PSG4: variants seen among roughly 807,000 people sequenced by gnomAD.
PSG4 encodes pregnancy specific beta-1-glycoprotein 4, also known as pregnancy-specific beta-1-glycoprotein 4.
A neutral mutation model predicts 44.3 loss-of-function variants in PSG4; 61 were observed. The observed-to-expected ratio is 1.38, with a 90% CI of 1.12 to 1.70. PSG4 has a LOEUF of 1.70. PSG4 is among the 40% of genes most tolerant of loss of function. The pLI is 0.00. For synonymous variants in PSG4, 248 were observed against 191.3 expected (o/e 1.30, Z -2.45); for missense variants, 677 against 511.7 (o/e 1.32, Z -3.12).
intron 4 of PSG4, 81 bp downstream of exon 4, chr19:43,194,914 G>C: frequency 6.3e-7 from 1 of 1,579,498 alleles, no homozygotes; most frequent in Non-Finnish European, 8.6e-7. Context: ...ACTTGGACTG[G>C]AGAGAGACTG....
rs62116470 is a variant in PSG4, at chr19:43,197,675, A to G, written c.709+322T>C. On this transcript the variant is annotated intron_variant, in intron 3 of 5. Transcript: ENST00000405312. ...CCTGGTCTGTGGAAGGGCCACAGTG[A>G]CCCTGTGAGCCAAGTCGCAACACTG... 979 of 428,848 alleles carry G rather than the reference A, an allele frequency of 2.3e-3. 57 individuals are homozygous for G. The highest frequency in any genetic ancestry group is 0.011 in the Middle Eastern group (17 of 1,610). 26.6% of individuals were successfully genotyped at this position (428,848 alleles called of 1,614,324 possible). A position where few individuals can be genotyped will look rare whatever the true frequency, so the allele number is the denominator to read the frequency against.
rs1599767472 is a variant in PSG4, at chr19:43,195,349, G to A, written c.710-76C>T. On this transcript the variant is annotated intron_variant, in intron 3 of 5. Transcript: ENST00000405312. ...CCACAGGCATACTTCAATCAGAGTT[G>A]GCATCTCCCACCTCTCAGCCCACCC... 2.0e-5 allele frequency: 31 copies of A among 1,568,030 alleles called. No individual in the cohort carries two copies. In the East Asian group the frequency reaches 3.6e-4, roughly 18 times the overall value.
intron 5 of PSG4, chr19:43,193,963 T>C (rs1967116126): frequency 3.8e-6 from 3 of 793,970 alleles, no homozygotes; most frequent in Non-Finnish European, 6.5e-6. Context: ...CCCAGAAGTA[T>C]AGTTTATTGA....
chr19:43,194,733 C>T, intron 4 of PSG4, 139 bp from the exon 5 acceptor site: 1 of 1,455,540 alleles, frequency 6.9e-7, no homozygotes. Flanking sequence ...GTTCACTGAG[C>T]CGAAGCCTGA....
chr19:43,199,161 G>A (rs1340145146), intron 2 of PSG4, among the ~76,000 whole-genome samples: 1 of 145,972 alleles, frequency 6.9e-6, no homozygotes, highest in African/African-American at 2.6e-5. Context: ...ATATGCGTTT[G>A]GTGGATATTA....
At chr19:43,205,189 C>T (rs1437135328) in intron 1 of PSG4, among the ~76,000 whole-genome samples, 1 of 125,464 alleles carries the variant, frequency 8.0e-6, no homozygotes, top group African/African-American at 3.3e-5. Context: ...CTAGCTGCAA[C>T]TTCTGCCTCG....
rs1220297840 is a variant in PSG4 at position 43,204,003 on chromosome 19, C to T, written c.313G>A (p.Ala105Thr). ...YSGRERVYSN[A>T]SLLIQNVTQE... ...GTGACATTCTGGATCAGCAGGGATG[C>T]ATTGGAATATACTCTTTCTCTTCCA... The change falls in exon 2 of 6, where the codon GCA becomes ACA. Residue 105 changes from alanine to threonine, a missense_variant. Transcript: ENST00000405312. 2 of 1,587,784 alleles carry T rather than the reference C, an allele frequency of 1.3e-6. 1 individual carries two copies. Among genetic ancestry groups the T allele is most frequent in the Non-Finnish European group, 1.7e-6 (2 of 1,171,664 alleles).
At chr19:43,195,829 A>C (rs4239520) in intron 3 of PSG4, among the ~76,000 whole-genome samples, 1 of 148,740 alleles carries the variant, frequency 6.7e-6, no homozygotes, top group Non-Finnish European at 1.5e-5. Flanking sequence ...CCTGGAGGTC[A>C]GTTCAGTCAT....
intron 5 of PSG4, chr19:43,193,847 C>G (rs1246851307): frequency 1.6e-6 from 1 of 609,184 alleles, no homozygotes; most frequent in Admixed American, 3.3e-5. Context: ...TGTTACTGTA[C>G]TTGTGCAAAT....
rs747130430 is a variant in PSG4, at chr19:43,204,046, T to A, written c.270A>T (p.Ile90=). ...TSYVVDGQRI[I]YGPAYSGRER... is the part of the protein sequence containing the mutation. Reference sequence around the variant, plus strand: ...CTCTTCCACTGTATGCAGGCCCATATATAATTCTTTGACCGTCTACTACAT... The same window carrying A: ...CTCTTCCACTGTATGCAGGCCCATAAATAATTCTTTGACCGTCTACTACAT... The change falls in exon 2 of 6, where the codon ATA becomes ATT. Residue 90 remains isoleucine, a synonymous_variant. Transcript: ENST00000405312. 2 of 1,587,152 alleles carry A rather than the reference T, an allele frequency of 1.3e-6. No homozygotes were observed. Among genetic ancestry groups the A allele is most frequent in the Admixed American group, 3.4e-5 (2 of 58,410 alleles).
rs116239664 is a variant in PSG4, at chr19:43,194,091, G to A, written c.1243+249C>T. The A allele has an allele frequency of 1.0e-3, 1,229 of 1,233,700 alleles. 43 individuals carry two copies. The African/African-American group carries it at 0.018, about 18-fold the overall frequency. The allele number at this position is 1,233,700 out of a possible 1,614,324, so 76.4% of individuals were successfully genotyped here. A position where few individuals can be genotyped will look rare whatever the true frequency, so the allele number is the denominator to read the frequency against. The stretch of plus-strand genomic sequence containing the variant: ...TCATAAAAATATTATCCTCAATATT[G>A]TCAATTATTTCAATGAAATCAATGT... On this transcript the variant is annotated intron_variant, in intron 5 of 5. Transcript: ENST00000405312.
In PSG4 at chr19:43,203,971, C is replaced by T. The variant is rs1967637998; in HGVS notation, c.345G>A (p.Glu115=). ...ASLLIQNVTQ[E]DAGSYTLHII... is the part of the protein sequence containing the mutation. ...TGTGTAAGGTGTAGGATCCTGCATCCTCCTGCGTGACATTCTGGATCAGCA... is the reference window on the plus strand; with the variant it reads ...TGTGTAAGGTGTAGGATCCTGCATCTTCCTGCGTGACATTCTGGATCAGCA... The change falls in exon 2 of 6, where the codon GAG becomes GAA. Residue 115 remains glutamate, a synonymous_variant. Transcript: ENST00000405312. The T allele has an allele frequency of 6.3e-7, 1 of 1,587,792 alleles. No homozygotes were observed. Among genetic ancestry groups the T allele is most frequent in the Non-Finnish European group, 8.5e-7 (1 of 1,171,682 alleles).
chr19:43,205,205 G>A (rs978069932), intron 1 of PSG4, among the ~76,000 whole-genome samples: 1 of 129,192 alleles, frequency 7.7e-6, no homozygotes, highest in Non-Finnish European at 1.6e-5. Context: ...CCTCGTGGGT[G>A]CACGTGATTC....
At position 43,194,420 on chromosome 19, in the gene PSG4, T is replaced by G. The variant is rs1967139625; in HGVS notation, c.1163A>C (p.His388Pro). 6.2e-7 allele frequency: 1 copy of G among 1,612,342 alleles called. No individual in the cohort carries two copies. Among genetic ancestry groups the G allele is most frequent in the South Asian group, 1.1e-5 (1 of 91,042 alleles). ...KLSIPQITTK[H>P]SGLYACSVRN... ...AACAGAGCAAGCATAGAGCCCACTA[T>G]GCTTTGTAGTTATTTGGGGGATAGA... The change falls in exon 5 of 6, where the codon CAT becomes CCT. Residue 388 changes from histidine to proline, a missense_variant. Transcript: ENST00000405312.
At position 43,197,859 on chromosome 19, in the gene PSG4, G is replaced by A; in HGVS notation, c.709+138C>T. On this transcript the variant is annotated intron_variant, in intron 3 of 5. Coordinates refer to ENST00000405312, the MANE Select transcript of PSG4 (RefSeq NM_002780.5). ...CTAGGCCTACTCTGGTTTGCCTGGG[G>A]CAGAAAGTCATGGCCAGCTTTGATG... 4 of 1,538,792 alleles carry A rather than the reference G, an allele frequency of 2.6e-6. 1 individual carries two copies. The highest frequency in any genetic ancestry group is 1.7e-6 in the Non-Finnish European group (2 of 1,142,996).
Position 43,200,460 on chromosome 19 carries a change from T to G in PSG4, c.431-2185A>C, listed in dbSNP as rs907829635. ...GTTCCACTTTTTTTTCCCCACCCTT[T>G]TTGAACTTTCCTGTTTCAGTTTTGG... On this transcript the variant is annotated intron_variant, in intron 2 of 5. Coordinates refer to ENST00000405312, the MANE Select transcript of PSG4 (RefSeq NM_002780.5). 2.1e-5 allele frequency among the ~76,000 whole-genome samples: 3 copies of G among 145,618 alleles called. 1 individual carries two copies. Among genetic ancestry groups the G allele is most frequent in the African/African-American group, 7.9e-5 (3 of 37,948 alleles).
At position 43,199,812 on chromosome 19, in the gene PSG4, AT is replaced by A. The variant is rs1967423449; in HGVS notation, c.431-1538del. Among the ~76,000 whole-genome samples the A allele has an allele frequency of 1.4e-5, 2 of 145,658 alleles. 1 individual carries two copies. The highest frequency in any genetic ancestry group is 3.0e-5 in the Non-Finnish European group (2 of 67,272). ...TCGAAGATCAATTGCTGGTAGTAGT[AT>A]TTCTCTTGAGACCAAAATAAGGTTT... On this transcript the variant is annotated intron_variant, in intron 2 of 5. Coordinates refer to ENST00000405312, the MANE Select transcript of PSG4 (RefSeq NM_002780.5).
rs560274958 is a variant in PSG4 at position 43,193,443 on chromosome 19, C to G, written c.1244-55G>C. 4.6e-4 allele frequency: 349 copies of G among 765,756 alleles called. 7 individuals carry two copies. The African/African-American group carries it at 5.4e-3, about 12-fold the overall frequency. The allele number at this position is 765,756 out of a possible 1,614,324, so 47.4% of individuals were successfully genotyped here. A position where few individuals can be genotyped will look rare whatever the true frequency, so the allele number is the denominator to read the frequency against. On this transcript the variant is annotated intron_variant, in intron 5 of 5. Coordinates refer to ENST00000405312, the MANE Select transcript of PSG4 (RefSeq NM_002780.5). The stretch of plus-strand genomic sequence containing the variant: ...AATGAACAGAGCTGCAATCTCATAA[C>G]CGGTGTACTACAGTTTTTATTTTCC...
At position 43,193,323 on chromosome 19, in the gene PSG4, C is replaced by T. The variant is rs1176982684; in HGVS notation, c.*49G>A. On this transcript the variant is annotated 3_prime_UTR_variant, in exon 6 of 6. Coordinates refer to ENST00000405312, the MANE Select transcript of PSG4 (RefSeq NM_002780.5). Reference sequence around the variant, plus strand: ...GGCTTCTGGAACAGAGTGGGTCTTGCTCTTCGTGATTCCATGGGAGAAAAT... The same window carrying T: ...GGCTTCTGGAACAGAGTGGGTCTTGTTCTTCGTGATTCCATGGGAGAAAAT... 6.5e-6 allele frequency: 5 copies of T among 775,078 alleles called. 1 individual carries two copies. Among genetic ancestry groups the T allele is most frequent in the African/African-American group, 5.1e-5 (3 of 58,768 alleles). The allele number at this position is 775,078 out of a possible 1,614,324, so 48.0% of individuals were successfully genotyped here. A position where few individuals can be genotyped will look rare whatever the true frequency, so the allele number is the denominator to read the frequency against.
Sources: allele counts gnomAD v4.1 joint callset (sites outside exome capture counted in the v4.1 genomes callset), GRCh38; gene constraint gnomAD v4.1.1; transcripts MANE v1.5; gene names NCBI Gene and HGNC (gene_info 2026-07-23, HGNC 2026-07-21).